FER1L6: variants seen among roughly 807,000 people sequenced by gnomAD.
FER1L6 encodes fer-1 like family member 6.
FER1L6 carries 177 observed loss-of-function variants against 219.2 expected under a neutral mutation model. The observed-to-expected ratio is 0.81, with a 90% CI of 0.71 to 0.91. The LOEUF is 0.91. Among genes scored for constraint, FER1L6 ranks in the 40% least tolerant of loss-of-function variants. The probability of loss-of-function intolerance (pLI) is 0.00; values close to 1 mark genes in which losing one functional copy is unlikely to be tolerated. For synonymous variants in FER1L6, 768 were observed against 824.3 expected (o/e 0.93, Z 1.17); for missense variants, 2,153 against 2,259.9 (o/e 0.95, Z 0.96).
At chr8:124,028,201 A>G (rs1174207652) in intron 18 of FER1L6, among the ~76,000 whole-genome samples, 1 of 152,204 alleles carries the variant, frequency 6.6e-6, no homozygotes, top group Non-Finnish European at 1.5e-5. Flanking sequence ...TCTGAATATT[A>G]TCTTCATCTG....
At chr8:123,884,221 G>A (rs1424905116) in intron 1 of FER1L6, among the ~76,000 whole-genome samples, 1 of 152,202 alleles carries the variant, frequency 6.6e-6, no homozygotes, top group Non-Finnish European at 1.5e-5. Flanking sequence ...GTGTTCTCCT[G>A]GGTGGGTGTA....
intron 11 of FER1L6, among the ~76,000 whole-genome samples, chr8:123,981,088 T>C (rs999933078): frequency 8.6e-5 from 13 of 151,620 alleles, no homozygotes; most frequent in Non-Finnish European, 1.5e-5. Flanking sequence ...TCCGGAGGAG[T>C]TGGTGGGAGT....
At chr8:123,998,783 T>C (rs1056091994) in intron 12 of FER1L6, among the ~76,000 whole-genome samples, 2 of 152,166 alleles carry the variant, frequency 1.3e-5, no homozygotes, top group Non-Finnish European at 2.9e-5. Flanking sequence ...AAGACAACAT[T>C]CTTTCCACTC....
chr8:124,105,343 G>A (rs1822722997), intron 39 of FER1L6, among the ~76,000 whole-genome samples: 1 of 152,138 alleles, frequency 6.6e-6, no homozygotes, highest in African/African-American at 2.4e-5. Flanking sequence ...GGACACCAGA[G>A]CCTGATCACA....
chr8:123,980,954 C>T (rs764933568), intron 11 of FER1L6, 143 bp downstream of exon 11: 128 of 673,332 alleles, frequency 1.9e-4, no homozygotes, highest in Non-Finnish European at 3.0e-4. Context: ...CCTGTGTTCT[C>T]AGGCTGATCC....
intron 2 of FER1L6, among the ~76,000 whole-genome samples, chr8:123,961,557 C>T (rs1228985115): frequency 6.6e-6 from 1 of 152,126 alleles, no homozygotes; most frequent in African/African-American, 2.4e-5. Context: ...TAGCCTCCCA[C>T]AGAGCGCAGA....
intron 33 of FER1L6, among the ~76,000 whole-genome samples, chr8:124,087,663 G>A (rs1021065622): frequency 1.1e-4 from 16 of 152,134 alleles, no homozygotes; most frequent in African/African-American, 3.6e-4. Context: ...GCATTGAAGA[G>A]TTAGGTATTT....
At chr8:124,094,018 C>G (rs1038453230) in intron 34 of FER1L6, among the ~76,000 whole-genome samples, 1 of 151,980 alleles carries the variant, frequency 6.6e-6, no homozygotes. Flanking sequence ...TCTTGTTTTG[C>G]GCGTATCATT....
At chr8:124,035,524 G>A in intron 19 of FER1L6, 70 bp downstream of exon 19, 2 of 1,474,260 alleles carry the variant, frequency 1.4e-6, no homozygotes, top group South Asian at 1.3e-5. Context: ...TAATAAGGAG[G>A]GCAGCATGCA....
chr8:123,997,062 A>G (rs1293994617), intron 12 of FER1L6, among the ~76,000 whole-genome samples: 1 of 152,118 alleles, frequency 6.6e-6, no homozygotes, highest in African/African-American at 2.4e-5. Flanking sequence ...ACAGTGTTAT[A>G]ATGTTCTATG....
At chr8:124,096,987 T>TA (rs1446157196) in intron 35 of FER1L6, among the ~76,000 whole-genome samples, 1 of 152,004 alleles carries the variant, frequency 6.6e-6, no homozygotes, top group East Asian at 1.9e-4. Context: ...AGTGTATAGA[T>TA]AGCATTATGT....
rs1451530685 is a variant in FER1L6, at chr8:124,071,509, T to G, written c.3970T>G (p.Ser1324Ala). 6.2e-7 allele frequency: 1 copy of G among 1,614,064 alleles called. No individual in the cohort carries two copies. The highest frequency in any genetic ancestry group is 1.1e-5 in the South Asian group (1 of 91,080). ...GDRVIGKFKG[S>A]FCIYKSPQDS... ...GGGTTGCGTTTTGTGGTTCCAGGGC[T>G]CCTTCTGCATCTACAAAAGCCCCCA... Residue 1324 changes from serine (S) to alanine (A), a missense_variant, in exon 31 of 41, where the codon TCC (serine) becomes GCC (alanine). Coordinates refer to ENST00000522917, the MANE Select transcript of FER1L6 (RefSeq NM_001039112.2).
rs117896836 is a variant in FER1L6 at position 124,119,105 on chromosome 8, A to T, written c.5390+161A>T. ...TCCAACCTGTGTAGCTTTTCGAAGA[A>T]AAAGCTAAATATAAGACATATAAGA... On this transcript the variant is annotated intron_variant, in intron 40 of 40. Coordinates refer to ENST00000522917, the MANE Select transcript of FER1L6 (RefSeq NM_001039112.2). Among the ~76,000 whole-genome samples the T allele has an allele frequency of 6.5e-4, 99 of 152,352 alleles. No homozygotes were observed. In the East Asian group the frequency reaches 9.8e-3, roughly 15 times the overall value.
At chr8:123,926,082 A>G (rs1813552625) in intron 1 of FER1L6, 1 of 152,182 alleles carries the variant, frequency 6.6e-6, no homozygotes, top group African/African-American at 2.4e-5. Flanking sequence ...GGCAGTCAAC[A>G]TTTATAAAAA....
intron 39 of FER1L6, among the ~76,000 whole-genome samples, chr8:124,105,174 A>G (rs904039977): frequency 1.2e-4 from 18 of 152,228 alleles, no homozygotes; most frequent in African/African-American, 4.3e-4. Flanking sequence ...AAATGTAGTG[A>G]GCCACAGGAG....
At chr8:124,038,635 A>T (rs1344732296) in intron 19 of FER1L6, among the ~76,000 whole-genome samples, 1 of 152,102 alleles carries the variant, frequency 6.6e-6, no homozygotes, top group African/African-American at 2.4e-5. Context: ...CTCTTCAATA[A>T]CCCTATGAGG....
intron 14 of FER1L6, among the ~76,000 whole-genome samples, chr8:124,012,840 T>C (rs953578460): frequency 2.6e-5 from 4 of 152,224 alleles, no homozygotes; most frequent in Non-Finnish European, 5.9e-5. Context: ...ATACTTCCCC[T>C]TAGGTGCCAT....
intron 1 of FER1L6, among the ~76,000 whole-genome samples, chr8:123,952,688 T>C (rs950157491): frequency 1.3e-5 from 2 of 152,104 alleles, no homozygotes; most frequent in African/African-American, 4.8e-5. Flanking sequence ...CCCAATACAT[T>C]GTCTGGAAAC....
intron 1 of FER1L6, among the ~76,000 whole-genome samples, chr8:123,919,186 G>T (rs934488643): frequency 6.6e-6 from 1 of 152,174 alleles, no homozygotes; most frequent in Non-Finnish European, 1.5e-5. Flanking sequence ...AAGAGAGAGT[G>T]GGGCACTGTT....
Sources: gnomAD v4.1 joint callset for allele counts (sites outside exome capture counted in the v4.1 genomes callset) on GRCh38, gnomAD v4.1.1 for gene constraint, MANE v1.5 for transcripts, NCBI Gene and HGNC (gene_info 2026-07-23, HGNC 2026-07-21) for gene names.